Variants in FRMD4A observed in about 807,000 individuals in gnomAD.
FRMD4A encodes FERM domain-containing protein 4A.
A neutral mutation model predicts 129.1 loss-of-function variants in FRMD4A; 29 were observed. The observed-to-expected ratio is 0.22, with a 90% confidence interval of 0.17 to 0.31. FRMD4A has a LOEUF of 0.31. Among genes scored for constraint, FRMD4A ranks in the 10% least tolerant of loss-of-function variants. The probability of loss-of-function intolerance (pLI) is 1.00; values close to 1 mark genes in which losing one functional copy is unlikely to be tolerated. For synonymous variants in FRMD4A, 634 were observed against 571.6 expected, an observed-to-expected ratio of 1.11 and a Z score of -1.56; for missense variants, 1,272 against 1,375.8, an observed-to-expected ratio of 0.92 and a Z score of 1.19.
chr10:14,168,102 A>G (rs1355867377), intron 2 of FRMD4A, among the ~76,000 whole-genome samples: 1 of 152,146 alleles, frequency 6.6e-6, no homozygotes, highest in Non-Finnish European at 1.5e-5. Flanking sequence ...TGCAGAAGAG[A>G]GACGAGGCAG....
At chr10:13,915,120 G>A (rs2094985835) in intron 2 of FRMD4A, among the ~76,000 whole-genome samples, 1 of 152,174 alleles carries the variant, frequency 6.6e-6, no homozygotes, top group Admixed American at 6.5e-5. Flanking sequence ...GGAGTACTGT[G>A]TTCTGTTTCA....
At chr10:14,244,285 C>T (rs1025865572) in intron 2 of FRMD4A, among the ~76,000 whole-genome samples, 1 of 152,190 alleles carries the variant, frequency 6.6e-6, no homozygotes, top group Non-Finnish European at 1.5e-5. Flanking sequence ...AGACTTCCAC[C>T]CCCTTCCAGG....
chr10:14,120,934 C>G (rs1398235560), intron 2 of FRMD4A, among the ~76,000 whole-genome samples: 8 of 152,204 alleles, frequency 5.3e-5, no homozygotes, highest in Non-Finnish European at 7.3e-5. Flanking sequence ...TTGCTCTCCT[C>G]CCTGACTGGA....
intron 2 of FRMD4A, among the ~76,000 whole-genome samples, chr10:13,963,100 C>G (rs529384063): frequency 7.9e-5 from 12 of 152,076 alleles, no homozygotes. Flanking sequence ...TTGCAAACGA[C>G]AGGGTGAGTG....
chr10:14,137,894 A>C (rs1839628239), intron 2 of FRMD4A, among the ~76,000 whole-genome samples: 2 of 151,968 alleles, frequency 1.3e-5, no homozygotes, highest in South Asian at 4.2e-4. Flanking sequence ...GTAAGCCCCC[A>C]GTGCTTTTTC....
chr10:13,923,274 T>C lies in FRMD4A; in HGVS notation c.46-64362A>G, dbSNP rs74475838. Among the ~76,000 whole-genome samples, 668 of 152,312 alleles carry C rather than the reference T, an allele frequency of 4.4e-3. 3 individuals carry two copies. Among genetic ancestry groups the C allele is most frequent in the African/African-American group, 0.012 (519 of 41,566 alleles). On this transcript the variant is annotated intron_variant, in intron 2 of 24. Coordinates refer to ENST00000357447, the MANE Select transcript of FRMD4A (RefSeq NM_018027.5). ...TCATCTAAGGAGAATCTACAGTGTA[T>C]ATGTAAATAAACAGCTTTCTTCTTC...
chr10:14,094,131 C>G (rs146410533), intron 2 of FRMD4A, among the ~76,000 whole-genome samples: 3 of 152,366 alleles, frequency 2.0e-5, no homozygotes, highest in Admixed American at 6.5e-5. Flanking sequence ...CTCAGGTGAG[C>G]AACTTCTGAC....
rs147910779 is a variant in FRMD4A at position 13,853,891 on chromosome 10, A to G, written c.111+4956T>C. 3.3e-3 allele frequency among the ~76,000 whole-genome samples: 502 copies of G among 151,542 alleles called. 3 individuals carry two copies. Among genetic ancestry groups the G allele is most frequent in the African/African-American group, 0.011 (468 of 41,280 alleles). The stretch of plus-strand genomic sequence containing the variant: ...GGATGGGGAAGAAATTCGGCCAACC[A>G]TTCATCTAAAGTGATGGGGAGAAGC... On this transcript the variant is annotated intron_variant, in intron 3 of 24. Coordinates refer to ENST00000357447, the MANE Select transcript of FRMD4A (RefSeq NM_018027.5).
At chr10:13,765,111 TTTG>T (rs1163686320) in intron 6 of FRMD4A, among the ~76,000 whole-genome samples, 5 of 142,470 alleles carry the variant, frequency 3.5e-5, no homozygotes, top group Admixed American at 7.6e-5. Context: ...ATTTTTTTTT[TTTG>T]TTTTTTTTTT....
intron 2 of FRMD4A, among the ~76,000 whole-genome samples, chr10:14,323,843 T>C (rs1327844829): frequency 1.3e-5 from 2 of 152,220 alleles, no homozygotes; most frequent in Non-Finnish European, 2.9e-5. Context: ...TTGTAAGAGA[T>C]GACCATGAAA....
At chr10:13,808,019 G>A (rs1421666417) in intron 4 of FRMD4A, among the ~76,000 whole-genome samples, 2 of 151,928 alleles carry the variant, frequency 1.3e-5, no homozygotes, top group Non-Finnish European at 2.9e-5. Context: ...GGCTGGTCTC[G>A]AACTCCTGAC....
chr10:14,251,224 G>C (rs776192509), intron 2 of FRMD4A, among the ~76,000 whole-genome samples: 26 of 152,172 alleles, frequency 1.7e-4, no homozygotes, highest in Non-Finnish European at 3.1e-4. Context: ...CAATACAGCA[G>C]AAGTCAAGGA....
chr10:14,104,726 C>A (rs1263281491), intron 2 of FRMD4A, among the ~76,000 whole-genome samples: 3 of 152,350 alleles, frequency 2.0e-5, no homozygotes, highest in East Asian at 1.9e-4. Context: ...AAATTGCCAA[C>A]CTTCGGCCAG....
At chr10:14,093,053 G>A (rs1189367624) in intron 2 of FRMD4A, among the ~76,000 whole-genome samples, 3 of 152,162 alleles carry the variant, frequency 2.0e-5, no homozygotes, top group Non-Finnish European at 4.4e-5. Flanking sequence ...AGGATCCAAG[G>A]CCAAGGCCAG....
intron 2 of FRMD4A, among the ~76,000 whole-genome samples, chr10:14,256,005 C>CACAA (rs1844602733): frequency 1.1e-5 from 1 of 91,712 alleles, no homozygotes; most frequent in African/African-American, 3.8e-5. Context: ...GCCTCCATCT[C>CACAA]AAAAAAAAAA....
intron 2 of FRMD4A, among the ~76,000 whole-genome samples, chr10:13,909,195 G>A (rs2094914239): frequency 6.6e-6 from 1 of 152,224 alleles, no homozygotes; most frequent in Non-Finnish European, 1.5e-5. Context: ...GACACAGTAT[G>A]TGCTTAATAA....
At chr10:13,997,714 T>C (rs1193004052) in intron 2 of FRMD4A, among the ~76,000 whole-genome samples, 1 of 151,338 alleles carries the variant, frequency 6.6e-6, no homozygotes, top group Non-Finnish European at 1.5e-5. Flanking sequence ...CCTCGACCTC[T>C]TGGGTTCAAA....
chr10:14,270,169 G>T (rs1045459226), intron 2 of FRMD4A, among the ~76,000 whole-genome samples: 1 of 152,164 alleles, frequency 6.6e-6, no homozygotes, highest in African/African-American at 2.4e-5. Flanking sequence ...GAAGCCTCTG[G>T]ACTTAGACTG....
chr10:13,908,171 A>AG (rs2094902657), intron 2 of FRMD4A, among the ~76,000 whole-genome samples: 1 of 146,894 alleles, frequency 6.8e-6, no homozygotes, highest in African/African-American at 2.6e-5. Context: ...ATCTAAAAAA[A>AG]AAAAAAAAAA....
Sources: allele counts gnomAD v4.1 joint callset (sites outside exome capture counted in the v4.1 genomes callset), GRCh38; gene constraint gnomAD v4.1.1; transcripts MANE v1.5; gene names NCBI Gene and HGNC (gene_info 2026-07-23, HGNC 2026-07-21).